Variants in PPP3CA observed in about 807,000 individuals in gnomAD.
PPP3CA encodes CAM-PRP catalytic subunit.
Under a neutral mutation model 66.5 loss-of-function variants are expected in PPP3CA, and 14 were observed. The ratio of observed to expected loss-of-function variants is 0.21; its 90% CI spans 0.14 to 0.33. The LOEUF is 0.33. PPP3CA is among the 10% of genes least tolerant of loss of function. PPP3CA has a pLI of 1.00. For missense variants in PPP3CA, 317 were observed against 639.5 expected, an observed-to-expected ratio of 0.50 and a Z score of 5.44; for synonymous variants, 232 against 226.2, an observed-to-expected ratio of 1.03 and a Z score of -0.23.
intron 5 of PPP3CA, among the ~76,000 whole-genome samples, chr4:101,096,414 A>G (rs1455962111): frequency 1.3e-5 from 2 of 152,210 alleles, no homozygotes; most frequent in African/African-American, 2.4e-5. Context: ...ATGGTTATTC[A>G]TTTTGTAGTA....
intron 2 of PPP3CA, among the ~76,000 whole-genome samples, chr4:101,195,193 A>G (rs1310517883): frequency 1.3e-5 from 2 of 150,484 alleles, no homozygotes; most frequent in East Asian, 3.9e-4. Flanking sequence ...GCTTGAACCC[A>G]GGAGGTGGAG....
chr4:101,040,182 T>C (rs1459407748), intron 11 of PPP3CA, among the ~76,000 whole-genome samples: 1 of 152,200 alleles, frequency 6.6e-6, no homozygotes, highest in Non-Finnish European at 1.5e-5. Flanking sequence ...CTTTTCCTGT[T>C]TCCTAAGATA....
At chr4:101,316,943 A>C (rs963726479) in intron 1 of PPP3CA, among the ~76,000 whole-genome samples, 80 of 152,314 alleles carry the variant, frequency 5.3e-4, no homozygotes, top group Admixed American at 5.2e-3. Flanking sequence ...AAGAAAGTAC[A>C]TTTCTTACAA....
chr4:101,303,766 C>T (rs562897533), intron 1 of PPP3CA, among the ~76,000 whole-genome samples: 69 of 152,222 alleles, frequency 4.5e-4, no homozygotes, highest in African/African-American at 1.6e-3. Context: ...ATCGTGAGTA[C>T]ATAAAAATGT....
In PPP3CA at chr4:101,102,249, AAAGGAAGGAAGG is replaced by A. The variant is rs534565374; in HGVS notation, c.385-2539_385-2528del. On this transcript the variant is annotated intron_variant, in intron 3 of 13. Coordinates refer to ENST00000394854, the MANE Select transcript of PPP3CA (RefSeq NM_000944.5). ...AAAGAAAGGAGGGAGGGAGGCAGAG[AAAGGAAGGAAGG>A]AAGGAAGGGAGGGAGGAAGGGAGGG... Among the ~76,000 whole-genome samples, 5 of 150,736 alleles carry A rather than the reference AAAGGAAGGAAGG, an allele frequency of 3.3e-5. No homozygotes were observed. The East Asian group carries it at 7.9e-4, about 24-fold the overall frequency.
intron 1 of PPP3CA, among the ~76,000 whole-genome samples, chr4:101,327,347 T>C (rs1729239486): frequency 6.6e-6 from 1 of 152,106 alleles, no homozygotes; most frequent in South Asian, 2.1e-4. Context: ...TACAAATATG[T>C]TAACCTCTCT....
chr4:101,161,176 A>G (rs759419315), intron 2 of PPP3CA, among the ~76,000 whole-genome samples: 12 of 152,160 alleles, frequency 7.9e-5, no homozygotes, highest in Non-Finnish European at 1.2e-4. Context: ...GCTACATCAC[A>G]TTCTCTAGGT....
chr4:101,295,145 C>G (rs1318476606), intron 1 of PPP3CA, among the ~76,000 whole-genome samples: 4 of 149,234 alleles, frequency 2.7e-5, no homozygotes, highest in Admixed American at 2.7e-4. Context: ...ACTAAAAATA[C>G]AAAAAATTAG....
At chr4:101,254,225 T>G (rs1319901614) in intron 1 of PPP3CA, among the ~76,000 whole-genome samples, 2 of 152,016 alleles carry the variant, frequency 1.3e-5, no homozygotes, top group Non-Finnish European at 2.9e-5. Flanking sequence ...TGGGAGGATA[T>G]AGCTGGGTCC....
chr4:101,174,307 G>A (rs1043330425), intron 2 of PPP3CA, among the ~76,000 whole-genome samples: 15 of 152,048 alleles, frequency 9.9e-5, no homozygotes, highest in Non-Finnish European at 1.8e-4. Flanking sequence ...TATTTTCAAG[G>A]AAGTGAAACA....
chr4:101,276,649 T>C (rs1256334798), intron 1 of PPP3CA, among the ~76,000 whole-genome samples: 1 of 152,208 alleles, frequency 6.6e-6, no homozygotes, highest in Admixed American at 6.5e-5. Context: ...CATGTATTTA[T>C]CAGACATCCA....
chr4:101,240,682 C>A (rs1459281401), intron 1 of PPP3CA: 4 of 152,014 alleles, frequency 2.6e-5, no homozygotes, highest in Non-Finnish European at 5.9e-5. Context: ...CAAATACTTT[C>A]AATTTTAAAA....
intron 10 of PPP3CA, among the ~76,000 whole-genome samples, chr4:101,051,827 T>G (rs1037228211): frequency 1.3e-5 from 2 of 152,144 alleles, no homozygotes; most frequent in African/African-American, 4.8e-5. Context: ...TCACCACTAG[T>G]TGAATAAAAA....
intron 12 of PPP3CA, among the ~76,000 whole-genome samples, chr4:101,030,009 A>C (rs902218764): frequency 1.3e-5 from 2 of 152,108 alleles, no homozygotes; most frequent in African/African-American, 4.8e-5. Flanking sequence ...AGCATTTTAA[A>C]GAATAGGCAG....
In PPP3CA at chr4:101,171,718, T is replaced by C. The variant is rs1483973828; in HGVS notation, c.259+24198A>G. 2.0e-5 allele frequency among the ~76,000 whole-genome samples: 3 copies of C among 152,144 alleles called. No individual in the cohort carries two copies. In the East Asian group the frequency reaches 5.8e-4, roughly 29 times the overall value. On this transcript the variant is annotated intron_variant, in intron 2 of 13. Transcript: ENST00000394854. The stretch of plus-strand genomic sequence containing the variant: ...AGAATTTATTCTCACCATTCATTAA[T>C]TTACTAATTAATTTACTTGGTAAAA...
intron 2 of PPP3CA, among the ~76,000 whole-genome samples, chr4:101,154,452 A>G (rs1433586528): frequency 6.6e-6 from 1 of 152,222 alleles, no homozygotes; most frequent in Non-Finnish European, 1.5e-5. Flanking sequence ...TTCTTTTCCC[A>G]GATTGGTGGA....
At chr4:101,177,733 G>A (rs1724107893) in intron 2 of PPP3CA, among the ~76,000 whole-genome samples, 2 of 151,472 alleles carry the variant, frequency 1.3e-5, no homozygotes, top group East Asian at 1.9e-4. Context: ...TATTTTAATT[G>A]TTTCTGATTT....
chr4:101,281,079 CTG>C (rs1727668787), intron 1 of PPP3CA, among the ~76,000 whole-genome samples: 1 of 152,118 alleles, frequency 6.6e-6, no homozygotes, highest in South Asian at 2.1e-4. Flanking sequence ...GTGTGATCAG[CTG>C]TGTTAAATGC....
chr4:101,062,371 G>A (rs1728500984), intron 9 of PPP3CA, among the ~76,000 whole-genome samples: 1 of 151,440 alleles, frequency 6.6e-6, no homozygotes, highest in Non-Finnish European at 1.5e-5. Flanking sequence ...GGCATTTAAA[G>A]GGAAAACAAC....
Sources: gnomAD v4.1 joint callset for allele counts (sites outside exome capture counted in the v4.1 genomes callset) on GRCh38, gnomAD v4.1.1 for gene constraint, MANE v1.5 for transcripts, NCBI Gene and HGNC (gene_info 2026-07-23, HGNC 2026-07-21) for gene names.